Variants in COL15A1 observed in about 807,000 individuals in gnomAD.
COL15A1 encodes the protein collagen alpha-1(XV) chain.
A neutral mutation model predicts 165.9 loss-of-function variants in COL15A1; 111 were observed. That is an observed-to-expected ratio of 0.67 (90% confidence interval 0.57 to 0.78). The LOEUF (loss-of-function observed/expected upper bound fraction) is 0.78, where lower values mean the gene tolerates loss of function less well. Ranked by LOEUF, COL15A1 falls within the 30% of genes least tolerant of loss-of-function variation. COL15A1 has a pLI of 0.00. For missense variants in COL15A1, 1,745 were observed against 1,789.7 expected (o/e 0.98, Z 0.45); for synonymous variants, 659 against 674.8 (o/e 0.98, Z 0.36).
intron 28 of COL15A1, among the ~76,000 whole-genome samples, chr9:99,049,001 G>C (rs1051670222): frequency 3.3e-5 from 5 of 152,040 alleles, no homozygotes; most frequent in African/African-American, 1.2e-4. Flanking sequence ...AGCATTAGGG[G>C]TTGAGTCTCA....
Position 99,042,120 on chromosome 9 carries a change from C to T in COL15A1, c.2574+13C>T, listed in dbSNP as rs1202256839. The T allele has an allele frequency of 6.2e-7, 1 of 1,600,956 alleles. No homozygotes were observed. The highest frequency in any genetic ancestry group is 1.3e-5 in the African/African-American group (1 of 74,482). Reference sequence around the variant, plus strand: ...AAAAGGAGAACAGGTAAGAGGGGCCCAGGTATCTGAGTGAGATTGGGCGCT... The same window carrying T: ...AAAAGGAGAACAGGTAAGAGGGGCCTAGGTATCTGAGTGAGATTGGGCGCT... On this transcript the variant is annotated intron_variant, in intron 24 of 41. Coordinates refer to ENST00000375001, the MANE Select transcript of COL15A1 (RefSeq NM_001855.5).
chr9:98,944,307 G>A, intron 2 of COL15A1, 57 bp downstream of exon 2: 3 of 1,541,808 alleles, frequency 1.9e-6, no homozygotes, highest in African/African-American at 1.4e-5. Flanking sequence ...GGGGGAAGTC[G>A]GTTTTGGCGG....
intron 5 of COL15A1, 47 bp from the exon 6 acceptor site, chr9:98,996,887 T>C (rs905268824): frequency 6.2e-7 from 1 of 1,605,908 alleles, no homozygotes; most frequent in African/African-American, 1.3e-5. Context: ...TTTCTTCTGC[T>C]TTACTGCCAA....
intron 9 of COL15A1, among the ~76,000 whole-genome samples, chr9:99,009,338 T>C (rs1182986068): frequency 6.6e-6 from 1 of 152,230 alleles, no homozygotes; most frequent in South Asian, 2.1e-4. Flanking sequence ...CTAAAACATA[T>C]CAGAATCACA....
chr9:98,975,297 G>A (rs1405584290), intron 2 of COL15A1, among the ~76,000 whole-genome samples: 2 of 152,236 alleles, frequency 1.3e-5, no homozygotes, highest in Non-Finnish European at 2.9e-5. Flanking sequence ...CAGTTCTCTA[G>A]GGAGGCAAGG....
intron 34 of COL15A1, among the ~76,000 whole-genome samples, 169 bp downstream of exon 34, chr9:99,055,541 G>A (rs994568952): frequency 6.6e-6 from 1 of 152,240 alleles, no homozygotes; most frequent in Non-Finnish European, 1.5e-5. Flanking sequence ...CAGGTTGGCT[G>A]AGGTCCCTGG....
chr9:99,036,361 A>C lies in COL15A1; in HGVS notation c.2374A>C (p.Arg792=), dbSNP rs1201892129. 3.7e-6 allele frequency: 6 copies of C among 1,614,206 alleles called. No individual in the cohort carries two copies. The highest frequency in any genetic ancestry group is 5.1e-6 in the Non-Finnish European group (6 of 1,180,032). ...CAGTATTGTGGGACCCCCTGGGCCG[A>C]GAGGGCCACCTGGGCACATCAAGGT... ...GASIVGPPGP[R]GPPGHIKVLS... Residue 792 remains arginine, a synonymous_variant, in exon 21 of 42, where the codon AGA becomes CGA. Coordinates refer to ENST00000375001, the MANE Select transcript of COL15A1 (RefSeq NM_001855.5).
intron 7 of COL15A1, among the ~76,000 whole-genome samples, 176 bp from the exon 8 acceptor site, chr9:99,003,277 C>T (rs1838695621): frequency 6.6e-6 from 1 of 152,158 alleles, no homozygotes; most frequent in Non-Finnish European, 1.5e-5. Flanking sequence ...GACATAGGTG[C>T]CTGGGCAGTC....
At chr9:98,996,553 T>C (rs896772929) in intron 5 of COL15A1, among the ~76,000 whole-genome samples, 12 of 152,262 alleles carry the variant, frequency 7.9e-5, no homozygotes, top group Admixed American at 2.6e-4. Flanking sequence ...ATATGCAGTT[T>C]ATTGAGTGCA....
At chr9:99,028,694 G>A (rs900120000) in intron 16 of COL15A1, among the ~76,000 whole-genome samples, 2 of 152,046 alleles carry the variant, frequency 1.3e-5, no homozygotes, top group African/African-American at 4.8e-5. Context: ...TTGGGGGAAA[G>A]GGTGGGAGGG....
chr9:99,025,285 C>T (rs1225490089), intron 15 of COL15A1, among the ~76,000 whole-genome samples: 3 of 152,320 alleles, frequency 2.0e-5, no homozygotes, highest in Non-Finnish European at 4.4e-5. Context: ...TTTGACTTTA[C>T]AGTGGTGCAA....
In COL15A1 at chr9:98,970,377, G is replaced by T. The variant is rs187386464; in HGVS notation, c.101-15188G>T. Among the ~76,000 whole-genome samples the T allele has an allele frequency of 3.7e-4, 57 of 152,352 alleles. 1 individual carries two copies. The Middle Eastern group carries it at 0.01, about 27-fold the overall frequency. On this transcript the variant is annotated intron_variant, in intron 2 of 41. Coordinates refer to ENST00000375001, the MANE Select transcript of COL15A1 (RefSeq NM_001855.5). The stretch of plus-strand genomic sequence containing the variant: ...ATAATTCTAGGGAGAAGGTTTTACT[G>T]ACAACGAGGAAAGGAGGGAAATGCA...
chr9:99,046,198 A>G (rs1737074706), intron 26 of COL15A1, among the ~76,000 whole-genome samples: 1 of 152,222 alleles, frequency 6.6e-6, no homozygotes, highest in African/African-American at 2.4e-5. Flanking sequence ...AGTAAGTGGC[A>G]CCTTCTTCTA....
intron 36 of COL15A1, among the ~76,000 whole-genome samples, chr9:99,060,166 A>AAGTTCC (rs573757491): frequency 2.3e-3 from 354 of 151,512 alleles, no homozygotes; most frequent in Admixed American, 4.7e-3. Context: ...ATGTATATGT[A>AAGTTCC]AGTTCCACCA....
intron 2 of COL15A1, among the ~76,000 whole-genome samples, chr9:98,950,825 G>A (rs928174025): frequency 3.9e-5 from 6 of 151,940 alleles, no homozygotes; most frequent in African/African-American, 1.2e-4. Flanking sequence ...TGTTGGTCTC[G>A]AACTCCTGAC....
rs79535429 is a variant in COL15A1, at chr9:99,026,011, C to A, written c.2043+45C>A. ...GTCCCACCACATGGGAGCCACCAGG[C>A]CCACACTACTCTCTCTGACCCCTAA... On this transcript the variant is annotated intron_variant, in intron 16 of 41. Coordinates refer to ENST00000375001, the MANE Select transcript of COL15A1 (RefSeq NM_001855.5). The A allele has an allele frequency of 9.0e-4, 1,400 of 1,554,400 alleles. 11 individuals carry two copies. In the African/African-American group the frequency reaches 0.017, roughly 19 times the overall value.
chr9:98,986,192 T>A, intron 3 of COL15A1, 80 bp downstream of exon 3: 1 of 1,109,042 alleles, frequency 9.0e-7, no homozygotes, highest in South Asian at 1.5e-5. Context: ...CAACTATTAT[T>A]GTTATTATTT....
intron 11 of COL15A1, 95 bp from the exon 12 acceptor site, chr9:99,020,294 C>T (rs940151121): frequency 1.6e-5 from 14 of 889,826 alleles, no homozygotes; most frequent in Admixed American, 3.5e-5. Context: ...TCATGCCCAG[C>T]TCACTGACCA....
rs948481075 is a variant in COL15A1 at position 99,020,375 on chromosome 9, T to C, written c.1648-14T>C. 47 of 1,608,588 alleles carry C rather than the reference T, an allele frequency of 2.9e-5. No individual in the cohort carries two copies. Among genetic ancestry groups the C allele is most frequent in the Non-Finnish European group, 3.6e-5 (42 of 1,175,626 alleles). ...ATGTTGTGGCCACGTTTTAACCAAA[T>C]CTTCTTCTTTTAGGCTCAAAGAGAA... On this transcript the variant is annotated splice_polypyrimidine_tract_variant and intron_variant, in intron 11 of 41. Coordinates refer to ENST00000375001, the MANE Select transcript of COL15A1 (RefSeq NM_001855.5).
Sources: gnomAD v4.1 joint callset for allele counts (sites outside exome capture counted in the v4.1 genomes callset) on GRCh38, gnomAD v4.1.1 for gene constraint, MANE v1.5 for transcripts, NCBI Gene and HGNC (gene_info 2026-07-23, HGNC 2026-07-21) for gene names.